USP7: variants seen among roughly 807,000 people sequenced by gnomAD.
USP7 encodes the protein ubiquitin specific peptidase 7.
USP7 carries 9 observed loss-of-function variants against 162.9 expected under a neutral mutation model. That is an observed-to-expected ratio of 0.06 (90% confidence interval 0.03 to 0.10). The LOEUF is 0.10. Ranked by LOEUF, USP7 falls within the 10% of genes least tolerant of loss-of-function variation. The probability of loss-of-function intolerance (pLI) is 1.00; values close to 1 mark genes in which losing one functional copy is unlikely to be tolerated. For missense variants in USP7, 715 were observed against 1,373.7 expected (o/e 0.52, Z 7.58); for synonymous variants, 562 against 475.9 (o/e 1.18, Z -2.35).
intron 22 of USP7, 23 bp downstream of exon 22, chr16:8,899,581 G>A: frequency 6.2e-7 from 1 of 1,612,020 alleles, no homozygotes; most frequent in South Asian, 1.1e-5. Flanking sequence ...GATCTGAAGA[G>A]GAAAGGAGCA....
rs930007670 is a variant in USP7, at chr16:8,893,291, C to T, written c.*707G>A. ...TGAGATCGTAAGTCTGCCAAGGCAGCAGAGTAAACCTTAATTGAATTTAAC... is the reference window on the plus strand; with the variant it reads ...TGAGATCGTAAGTCTGCCAAGGCAGTAGAGTAAACCTTAATTGAATTTAAC... On this transcript the variant is annotated 3_prime_UTR_variant, in exon 31 of 31. Coordinates refer to ENST00000344836, the MANE Select transcript of USP7 (RefSeq NM_003470.3). 6.6e-6 allele frequency: 1 copy of T among 152,220 alleles called. No homozygotes were observed. Among genetic ancestry groups the T allele is most frequent in the Non-Finnish European group, 1.5e-5 (1 of 68,076 alleles). 9.4% of individuals were successfully genotyped at this position (152,220 alleles called of 1,614,324 possible). A position where few individuals can be genotyped will look rare whatever the true frequency, so the allele number is the denominator to read the frequency against.
rs549402470 is a variant in USP7, at chr16:8,928,439, G to C, written c.184+1854C>G. ...GCTGCTTCTGATATGACAACCCTGA[G>C]ACATACGACAGTAAATAAAGCTTGT... is the stretch of plus-strand genomic sequence containing the variant. On this transcript the variant is annotated intron_variant, in intron 2 of 30. Coordinates refer to ENST00000344836, the MANE Select transcript of USP7 (RefSeq NM_003470.3). Among the ~76,000 whole-genome samples the C allele has an allele frequency of 2.0e-5, 3 of 152,270 alleles. No individual in the cohort carries two copies. In the East Asian group the frequency reaches 5.8e-4, roughly 29 times the overall value.
chr16:8,911,606 C>T (rs570325903), intron 10 of USP7, among the ~76,000 whole-genome samples: 1 of 152,224 alleles, frequency 6.6e-6, no homozygotes, highest in Non-Finnish European at 1.5e-5. Flanking sequence ...ATGAGAGCCC[C>T]GTGATGGGCC....
intron 1 of USP7, among the ~76,000 whole-genome samples, chr16:8,961,779 A>G (rs1900026233): frequency 6.6e-6 from 1 of 152,190 alleles, no homozygotes; most frequent in Non-Finnish European, 1.5e-5. Flanking sequence ...AGGAATACAC[A>G]AAATTCCCTC....
rs555286781 is a variant in USP7 at position 8,954,804 on chromosome 16, C to CA, written c.79+8402dup. On this transcript the variant is annotated intron_variant, in intron 1 of 30. Coordinates refer to ENST00000344836, the MANE Select transcript of USP7 (RefSeq NM_003470.3). ...TAAAACCCCCCCTCTACTAAAGATACAAAAAAATTAGCCGGTGCGGTGAGG... is the reference window on the plus strand; with the variant it reads ...TAAAACCCCCCCTCTACTAAAGATACAAAAAAAATTAGCCGGTGCGGTGAGG... Among the ~76,000 whole-genome samples the CA allele has an allele frequency of 5.7e-4, 87 of 151,938 alleles. 1 individual carries two copies. Among genetic ancestry groups the CA allele is most frequent in the Middle Eastern group, 6.8e-3 (2 of 294 alleles).
chr16:8,947,865 T>G (rs1899359713), intron 1 of USP7, among the ~76,000 whole-genome samples: 1 of 152,180 alleles, frequency 6.6e-6, no homozygotes, highest in Non-Finnish European at 1.5e-5. Context: ...AGCTCCCACT[T>G]TTGAGACCCT....
chr16:8,896,774 C>T (rs1345993358), intron 26 of USP7, among the ~76,000 whole-genome samples: 1 of 152,218 alleles, frequency 6.6e-6, no homozygotes, highest in African/African-American at 2.4e-5. Context: ...ACCCTCTGCA[C>T]CACAGCGGCT....
chr16:8,906,176 T>A (rs2061856759), intron 13 of USP7, among the ~76,000 whole-genome samples: 1 of 152,380 alleles, frequency 6.6e-6, no homozygotes, highest in Admixed American at 6.5e-5. Flanking sequence ...AAGTGTCTCA[T>A]ATGACATATA....
At chr16:8,944,311 G>C (rs905223025) in intron 1 of USP7, among the ~76,000 whole-genome samples, 2 of 151,980 alleles carry the variant, frequency 1.3e-5, no homozygotes, top group African/African-American at 4.8e-5. Context: ...TGCAACAGCT[G>C]CCCGCCTGGA....
At chr16:8,896,675 T>C (rs377280121) in intron 26 of USP7, among the ~76,000 whole-genome samples, 31 of 152,312 alleles carry the variant, frequency 2.0e-4, no homozygotes, top group East Asian at 1.5e-3. Context: ...GGCTTTTCTA[T>C]GGGAACTGCG....
intron 1 of USP7, among the ~76,000 whole-genome samples, chr16:8,940,756 G>C (rs906411161): frequency 6.6e-6 from 1 of 152,128 alleles, no homozygotes; most frequent in African/African-American, 2.4e-5. Context: ...GCCTCTCCTA[G>C]GTGAAGCTCA....
chr16:8,962,299 T>G (rs908823656), intron 1 of USP7, among the ~76,000 whole-genome samples: 1 of 152,212 alleles, frequency 6.6e-6, no homozygotes, highest in Admixed American at 6.5e-5. Context: ...CATTTGGACT[T>G]TGCTTTGTTT....
At chr16:8,898,267 C>A in intron 25 of USP7, 93 bp downstream of exon 25, 1 of 1,075,100 alleles carries the variant, frequency 9.3e-7, no homozygotes, top group Non-Finnish European at 1.4e-6. Flanking sequence ...GAGTGTTTTT[C>A]TGTGGTGTCT....
At chr16:8,929,882 T>C (rs1596390664) in intron 2 of USP7, among the ~76,000 whole-genome samples, 3 of 152,234 alleles carry the variant, frequency 2.0e-5, no homozygotes, top group South Asian at 4.1e-4. Context: ...GAGGGATTCA[T>C]AGCTATCATC....
Position 8,908,602 on chromosome 16 carries a change from A to G in USP7, c.1162-152T>C, listed in dbSNP as rs1035035673. On this transcript the variant is annotated intron_variant, in intron 11 of 30. Transcript: ENST00000344836. Reference sequence around the variant, plus strand: ...AGGTGTCCATTTAGGGCATCTTTGAAATGTTTTCTTTAGGTCTGTTTATGG... The same window carrying G: ...AGGTGTCCATTTAGGGCATCTTTGAGATGTTTTCTTTAGGTCTGTTTATGG... 4.8e-6 allele frequency: 3 copies of G among 618,576 alleles called. No homozygotes were observed. In the African/African-American group the frequency reaches 5.6e-5, roughly 12 times the overall value. 38.3% of individuals were successfully genotyped at this position (618,576 alleles called of 1,614,324 possible).
intron 1 of USP7, among the ~76,000 whole-genome samples, chr16:8,944,589 T>C (rs564795382): frequency 2.0e-5 from 3 of 152,304 alleles, no homozygotes; most frequent in East Asian, 3.9e-4. Context: ...GTTCCTTTAT[T>C]TGAATAAAAC....
chr16:8,951,321 G>A (rs1323454417), intron 1 of USP7, among the ~76,000 whole-genome samples: 1 of 1,714 alleles, frequency 5.8e-4, no homozygotes, highest in East Asian at 0.012. Flanking sequence ...AAGGAATCCT[G>A]AGCCTCTGGT....
At chr16:8,956,231 T>C (rs1390297823) in intron 1 of USP7, 2 of 152,192 alleles carry the variant, frequency 1.3e-5, no homozygotes, top group African/African-American at 4.8e-5. Context: ...ACATGACCTG[T>C]CCTGGTTTCA....
intron 1 of USP7, among the ~76,000 whole-genome samples, chr16:8,956,539 C>T (rs1457865429): frequency 6.6e-6 from 1 of 152,160 alleles, no homozygotes; most frequent in African/African-American, 2.4e-5. Context: ...CGGAGGCGGG[C>T]AGACTGCCTG....
Sources: gnomAD v4.1 joint callset for allele counts (sites outside exome capture counted in the v4.1 genomes callset) on GRCh38, gnomAD v4.1.1 for gene constraint, MANE v1.5 for transcripts, NCBI Gene and HGNC (gene_info 2026-07-23, HGNC 2026-07-21) for gene names.